Variants in DCC observed in about 807,000 individuals in gnomAD.
The protein encoded by DCC is DCC netrin 1 receptor.
DCC carries 58 observed loss-of-function variants against 172.5 expected under a neutral mutation model. That is an observed-to-expected ratio of 0.34 (90% CI 0.27 to 0.42). The LOEUF is 0.42. Among genes scored for constraint, DCC ranks in the 10% least tolerant of loss-of-function variants. DCC has a pLI of 1.00. For synonymous variants in DCC, 709 were observed against 644.5 expected, an observed-to-expected ratio of 1.10 and a Z score of -1.52; for missense variants, 1,740 against 1,791.0, an observed-to-expected ratio of 0.97 and a Z score of 0.51.
chr18:52,698,966 T>C (rs2036059549), intron 1 of DCC, among the ~76,000 whole-genome samples: 1 of 152,126 alleles, frequency 6.6e-6, no homozygotes, highest in Non-Finnish European at 1.5e-5. Flanking sequence ...GTGGCCTAAC[T>C]ATCTATAGCA....
chr18:52,345,562 C>A (rs546114486), intron 1 of DCC, among the ~76,000 whole-genome samples: 2 of 152,162 alleles, frequency 1.3e-5, no homozygotes, highest in Non-Finnish European at 1.5e-5. Flanking sequence ...CTGCTGTGGG[C>A]TGCTTGCTTG....
At chr18:52,476,117 C>A (rs954260312) in intron 1 of DCC, among the ~76,000 whole-genome samples, 2 of 152,184 alleles carry the variant, frequency 1.3e-5, no homozygotes, top group African/African-American at 4.8e-5. Context: ...ACCTACAGCA[C>A]AGGCTCAATG....
intron 7 of DCC, among the ~76,000 whole-genome samples, chr18:53,087,225 A>C (rs62099177): frequency 0.51 from 76,773 of 151,226 alleles, 20,016 homozygotes; most frequent in African/African-American, 0.56. Context: ...CCAACAGTGT[A>C]AAAGTGTTCC....
intron 1 of DCC, among the ~76,000 whole-genome samples, chr18:52,664,979 C>T (rs2035437668): frequency 6.6e-6 from 1 of 152,198 alleles, no homozygotes; most frequent in South Asian, 2.1e-4. Context: ...CACCAAATTT[C>T]TGATTCAAAC....
At chr18:52,598,449 G>A (rs2033951364) in intron 1 of DCC, among the ~76,000 whole-genome samples, 1 of 152,164 alleles carries the variant, frequency 6.6e-6, no homozygotes, top group African/African-American at 2.4e-5. Context: ...TCTAAGAATT[G>A]CATGGAGGCC....
chr18:53,063,491 T>C, intron 6 of DCC, 32 bp downstream of exon 6: 1 of 1,488,854 alleles, frequency 6.7e-7, no homozygotes. Flanking sequence ...TGTTTTATAA[T>C]CCCATTCATT....
At chr18:52,836,747 C>T (rs1244230453) in intron 2 of DCC, among the ~76,000 whole-genome samples, 1 of 152,162 alleles carries the variant, frequency 6.6e-6, no homozygotes, top group Non-Finnish European at 1.5e-5. Context: ...TCCAGGTGCA[C>T]AGTGCATGCT....
intron 1 of DCC, among the ~76,000 whole-genome samples, chr18:52,580,393 T>C (rs1234423528): frequency 6.6e-6 from 1 of 152,126 alleles, no homozygotes; most frequent in African/African-American, 2.4e-5. Flanking sequence ...GACTTATTAC[T>C]GAAAGGAGTT....
intron 1 of DCC, among the ~76,000 whole-genome samples, chr18:52,721,379 T>C (rs1022077529): frequency 1.2e-4 from 18 of 152,184 alleles, no homozygotes; most frequent in Non-Finnish European, 1.8e-4. Context: ...AATGATATTA[T>C]AAACAAACTT....
chr18:52,918,161 T>C lies in DCC; in HGVS notation c.698-5546T>C, dbSNP rs145779761. Among the ~76,000 whole-genome samples, 3 of 152,286 alleles carry C rather than the reference T, an allele frequency of 2.0e-5. No individual in the cohort carries two copies. In the East Asian group the frequency reaches 5.8e-4, roughly 29 times the overall value. ...GACCATGTATGTGTCAACCAATTTA[T>C]GAAATAGAACATTACAAATTTGCAT... On this transcript the variant is annotated intron_variant, in intron 3 of 28. Transcript: ENST00000442544.
At chr18:52,702,029 A>G (rs62083453) in intron 1 of DCC, among the ~76,000 whole-genome samples, 40,991 of 152,090 alleles carry the variant, frequency 0.27, 6,040 homozygotes, top group African/African-American at 0.38. Context: ...TCTGTATGGT[A>G]TATAAGCCCT....
intron 1 of DCC, among the ~76,000 whole-genome samples, chr18:52,568,849 C>A (rs1349436234): frequency 6.6e-6 from 1 of 152,028 alleles, no homozygotes; most frequent in Non-Finnish European, 1.5e-5. Context: ...TTAAATTTTT[C>A]AAATAAGTGC....
chr18:52,419,853 A>T (rs1490089138), intron 1 of DCC, among the ~76,000 whole-genome samples: 2 of 152,164 alleles, frequency 1.3e-5, no homozygotes, highest in South Asian at 2.1e-4. Flanking sequence ...TATTAGTTTC[A>T]TAAGAACATA....
intron 21 of DCC, among the ~76,000 whole-genome samples, chr18:53,419,207 C>T (rs11875950): frequency 0.43 from 65,594 of 151,820 alleles, 15,979 homozygotes; most frequent in Non-Finnish European, 0.56. Context: ...ACATGAGATG[C>T]TTTGATACAA....
At chr18:52,497,259 TC>T (rs1568198274) in intron 1 of DCC, among the ~76,000 whole-genome samples, 15 of 13,180 alleles carry the variant, frequency 1.1e-3, no homozygotes, top group East Asian at 3.2e-3. Context: ...AGACCCTGTA[TC>T]AAAAAAAAAA....
intron 2 of DCC, among the ~76,000 whole-genome samples, chr18:52,796,196 C>T (rs1380302639): frequency 1.3e-5 from 2 of 151,640 alleles, no homozygotes; most frequent in African/African-American, 4.8e-5. Context: ...GTTTTAAATG[C>T]ATTCATCTAG....
At chr18:53,178,338 T>C (rs1277371790) in intron 8 of DCC, among the ~76,000 whole-genome samples, 2 of 152,210 alleles carry the variant, frequency 1.3e-5, no homozygotes, top group Non-Finnish European at 2.9e-5. Context: ...TGTATTGATA[T>C]TGAACACATA....
rs1983568095 is a variant in DCC at position 52,340,359 on chromosome 18, G to A, written c.-429G>A. On this transcript the variant is annotated 5_prime_UTR_variant, in exon 1 of 29. Coordinates refer to ENST00000442544, the MANE Select transcript of DCC (RefSeq NM_005215.4). ...TCAACTTTACCCAACCGACGACAAG[G>A]AACCAGCCTCAACCTTTTAATGCAC... 2 of 213,014 alleles carry A rather than the reference G, an allele frequency of 9.4e-6. No homozygotes were observed. The highest frequency in any genetic ancestry group is 1.1e-4 in the East Asian group (1 of 9,316). 13.2% of individuals were successfully genotyped at this position (213,014 alleles called of 1,614,324 possible). A position where few individuals can be genotyped will look rare whatever the true frequency, so the allele number is the denominator to read the frequency against.
intron 2 of DCC, among the ~76,000 whole-genome samples, chr18:52,772,898 A>G (rs1354202534): frequency 6.6e-6 from 1 of 152,184 alleles, no homozygotes; most frequent in African/African-American, 2.4e-5. Context: ...CTGCTTAAAT[A>G]TATATTGAAA....
Sources: allele counts gnomAD v4.1 joint callset (sites outside exome capture counted in the v4.1 genomes callset), GRCh38; gene constraint gnomAD v4.1.1; transcripts MANE v1.5; gene names NCBI Gene and HGNC (gene_info 2026-07-23, HGNC 2026-07-21).